CTNNA2: variants seen among roughly 807,000 people sequenced by gnomAD.
The protein encoded by CTNNA2 is catenin alpha-2.
Under a neutral mutation model 101.0 loss-of-function variants are expected in CTNNA2, and 42 were observed. The ratio of observed to expected loss-of-function variants is 0.42; its 90% CI spans 0.32 to 0.54. The LOEUF is 0.54. Ranked by LOEUF, CTNNA2 falls within the 20% of genes least tolerant of loss-of-function variation. The pLI, the probability that CTNNA2 is intolerant of heterozygous loss-of-function variation, is 0.14. For synonymous variants in CTNNA2, 450 were observed against 456.4 expected (o/e 0.99, Z 0.18); for missense variants, 871 against 1,223.1 (o/e 0.71, Z 4.29).
intron 7 of CTNNA2, among the ~76,000 whole-genome samples, chr2:80,018,357 G>A (rs1164709028): frequency 1.3e-5 from 2 of 152,124 alleles, no homozygotes; most frequent in African/African-American, 2.4e-5. Flanking sequence ...CCCACTCATC[G>A]TTTGCTGGAA....
intron 9 of CTNNA2, among the ~76,000 whole-genome samples, chr2:80,505,872 C>A (rs1320666105): frequency 1.3e-5 from 2 of 152,130 alleles, no homozygotes; most frequent in East Asian, 1.9e-4. Flanking sequence ...AAGTGCTATA[C>A]CTTTTTTGAG....
At chr2:79,432,399 A>G (rs190627858) in intron 4 of CTNNA2, among the ~76,000 whole-genome samples, 1 of 152,352 alleles carries the variant, frequency 6.6e-6, no homozygotes, top group African/African-American at 2.4e-5. Context: ...TTCACTATGT[A>G]ATGCTTCAAC....
At chr2:79,588,486 T>A (rs537353800) in intron 1 of CTNNA2, among the ~76,000 whole-genome samples, 2 of 152,222 alleles carry the variant, frequency 1.3e-5, no homozygotes, top group Non-Finnish European at 2.9e-5. Context: ...CATGAAAATA[T>A]CTCGAGTTCC....
At chr2:79,315,650 T>G (rs1441736451) in intron 3 of CTNNA2, among the ~76,000 whole-genome samples, 1 of 152,326 alleles carries the variant, frequency 6.6e-6, no homozygotes, top group East Asian at 1.9e-4. Context: ...ATTTATTTAT[T>G]AAACATTTGG....
chr2:79,417,247 C>G (rs950812827), intron 4 of CTNNA2, among the ~76,000 whole-genome samples: 1 of 152,036 alleles, frequency 6.6e-6, no homozygotes, highest in Non-Finnish European at 1.5e-5. Flanking sequence ...TCCAAATAAG[C>G]TTAGGATTTG....
At chr2:79,960,783 G>T (rs1408819898) in intron 7 of CTNNA2, among the ~76,000 whole-genome samples, 1 of 152,130 alleles carries the variant, frequency 6.6e-6, no homozygotes, top group Non-Finnish European at 1.5e-5. Context: ...TGATACAAAT[G>T]AAATTGTTTG....
intron 7 of CTNNA2, among the ~76,000 whole-genome samples, chr2:80,140,034 T>A (rs916559735): frequency 2.6e-5 from 4 of 152,132 alleles, no homozygotes; most frequent in Non-Finnish European, 4.4e-5. Context: ...ACTAGAATCT[T>A]TACATTTAAG....
intron 2 of CTNNA2, among the ~76,000 whole-genome samples, chr2:79,230,737 G>A (rs1406214203): frequency 6.6e-6 from 1 of 152,194 alleles, no homozygotes; most frequent in Non-Finnish European, 1.5e-5. Context: ...GCCCATGAAA[G>A]CAGCCAAGAG....
At chr2:79,328,542 C>T (rs2196166) in intron 3 of CTNNA2, among the ~76,000 whole-genome samples, 18 of 151,914 alleles carry the variant, frequency 1.2e-4, no homozygotes, top group African/African-American at 4.1e-4. Context: ...TTTTAAGGAC[C>T]TAGGAGGTAT....
chr2:80,552,377 A>T (rs1272871466), intron 11 of CTNNA2, among the ~76,000 whole-genome samples: 1 of 152,206 alleles, frequency 6.6e-6, no homozygotes, highest in Non-Finnish European at 1.5e-5. Context: ...AAAACAAGAC[A>T]TGCCTGTAGA....
intron 7 of CTNNA2, among the ~76,000 whole-genome samples, chr2:80,049,561 T>C (rs756859173): frequency 1.3e-5 from 2 of 152,186 alleles, no homozygotes; most frequent in Non-Finnish European, 2.9e-5. Context: ...CAGCTGTTCA[T>C]AGGAACCCAG....
chr2:79,776,894 G>A (rs1674005632), intron 3 of CTNNA2: 1 of 152,172 alleles, frequency 6.6e-6, no homozygotes, highest in Non-Finnish European at 1.5e-5. Flanking sequence ...TTTCTGAGGA[G>A]CTGAGAGCAT....
intron 7 of CTNNA2, among the ~76,000 whole-genome samples, chr2:80,174,851 T>C (rs1411743060): frequency 1.3e-5 from 2 of 152,290 alleles, no homozygotes; most frequent in African/African-American, 2.4e-5. Context: ...ACCACCCACA[T>C]GTGTACTACA....
intron 7 of CTNNA2, among the ~76,000 whole-genome samples, chr2:80,075,404 C>T (rs1231223974): frequency 2.6e-5 from 4 of 151,834 alleles, no homozygotes; most frequent in African/African-American, 9.7e-5. Flanking sequence ...CTCTTAGTGT[C>T]TCATTTTCCT....
intron 3 of CTNNA2, among the ~76,000 whole-genome samples, chr2:79,823,994 G>GA (rs918250578): frequency 2.0e-5 from 3 of 151,628 alleles, no homozygotes; most frequent in African/African-American, 2.4e-5. Context: ...TGTTTAGGGG[G>GA]AAAAAAAATA....
intron 3 of CTNNA2, among the ~76,000 whole-genome samples, chr2:79,779,757 G>A (rs1674282676): frequency 6.6e-6 from 1 of 152,078 alleles, no homozygotes; most frequent in Non-Finnish European, 1.5e-5. Context: ...TGCAGGATGA[G>A]CTTGAAAGTT....
chr2:80,055,220 G>C (rs574394256), intron 7 of CTNNA2, among the ~76,000 whole-genome samples: 34 of 152,032 alleles, frequency 2.2e-4, no homozygotes, highest in Admixed American at 5.2e-4. Context: ...TAAGAGATGG[G>C]GTCTCACTAT....
At chr2:80,530,313 C>G (rs1298224634) in intron 9 of CTNNA2, among the ~76,000 whole-genome samples, 1 of 152,160 alleles carries the variant, frequency 6.6e-6, no homozygotes, top group African/African-American at 2.4e-5. Context: ...GGAGCTGTTG[C>G]AATTGCAGCC....
At chr2:80,107,576 A>C (rs1054355884) in intron 7 of CTNNA2, among the ~76,000 whole-genome samples, 1 of 152,192 alleles carries the variant, frequency 6.6e-6, no homozygotes, top group Non-Finnish European at 1.5e-5. Flanking sequence ...CCATCCTTCA[A>C]GTGTCTGGGC....
Sources: gnomAD v4.1 joint callset for allele counts (sites outside exome capture counted in the v4.1 genomes callset) on GRCh38, gnomAD v4.1.1 for gene constraint, MANE v1.5 for transcripts, NCBI Gene and HGNC (gene_info 2026-07-23, HGNC 2026-07-21) for gene names.